The following PAK1IP1 variants were observed in gnomAD, a reference collection of about 807,000 sequenced individuals.
PAK1IP1 encodes PAK1 interacting protein 1, also known as p21-activated protein kinase-interacting protein 1.
In PAK1IP1, 24 loss-of-function variants were observed where a neutral mutation model predicts 42.0. The observed-to-expected ratio is 0.57, with a 90% CI of 0.41 to 0.80. The LOEUF is 0.80. Ranked by LOEUF, PAK1IP1 falls within the 30% of genes least tolerant of loss-of-function variation. PAK1IP1 has a pLI of 0.00. For missense variants in PAK1IP1, 411 were observed against 467.9 expected, an observed-to-expected ratio of 0.88 and a Z score of 1.12; for synonymous variants, 154 against 156.7, an observed-to-expected ratio of 0.98 and a Z score of 0.13.
chr6:10,692,529 C>T (rs1235443816), upstream of PAK1IP1, among the ~76,000 whole-genome samples: 2 of 152,126 alleles, frequency 1.3e-5, no homozygotes, highest in East Asian at 1.9e-4. Context: ...CAATCTCCAC[C>T]TCCCTAATTC....
chr6:10,697,478 A>G lies in PAK1IP1; in HGVS notation c.239A>G (p.His80Arg), dbSNP rs773879151. 3 of 1,611,248 alleles carry G rather than the reference A, an allele frequency of 1.9e-6. No homozygotes were observed. The highest frequency in any genetic ancestry group is 2.5e-6 in the Non-Finnish European group (3 of 1,177,836). The change falls in exon 2 of 10, where the codon CAT (histidine) becomes CGT (arginine). Residue 80 changes from histidine (H) to arginine (R), a missense_variant. Transcript: ENST00000379568. The stretch of plus-strand genomic sequence containing the variant: ...AAGATTGAGCATGGGGCTCTAGTGC[A>G]TCACAGTGGTAAGAAAATTGTATCC... ...KKKIEHGALV[H>R]HSGTITCLKF...
At chr6:10,704,719 T>C (rs180848198) in intron 6 of PAK1IP1, 28 bp from the exon 7 acceptor site, 2 of 1,596,866 alleles carry the variant, frequency 1.3e-6, no homozygotes, top group East Asian at 4.5e-5. Context: ...ACATTCTGGA[T>C]GTTATTACTC....
At chr6:10,694,613 A>G, upstream of PAK1IP1, 78 of 179,118 alleles carry the variant, frequency 4.4e-4, no homozygotes, top group South Asian at 2.6e-3. Context: ...ACCGGCCGGA[A>G]GTCGGCCCCA....
chr6:10,692,347 G>C (rs1380224614), upstream of PAK1IP1, among the ~76,000 whole-genome samples: 1 of 152,100 alleles, frequency 6.6e-6, no homozygotes, highest in African/African-American at 2.4e-5. Context: ...TGGTTCTCTG[G>C]TGGAAACTTA....
upstream of PAK1IP1, chr6:10,694,627 C>CATTAAAAAA: frequency 5.2e-6 from 1 of 192,244 alleles, no homozygotes; most frequent in Non-Finnish European, 1.1e-5. Flanking sequence ...GGCCCCACCT[C>CATTAAAAAA]CTCCTGATGT....
At chr6:10,693,126 C>T (rs1380334321), upstream of PAK1IP1, among the ~76,000 whole-genome samples, 1 of 152,212 alleles carries the variant, frequency 6.6e-6, no homozygotes, top group African/African-American at 2.4e-5. Context: ...GGCCCAGGCA[C>T]GTTCCAGCTC....
upstream of PAK1IP1, among the ~76,000 whole-genome samples, chr6:10,693,556 A>T (rs1769547462): frequency 6.6e-6 from 1 of 152,220 alleles, no homozygotes; most frequent in South Asian, 2.1e-4. Flanking sequence ...GAAGCACTGT[A>T]TCGCACTTGA....
chr6:10,699,650 A>G (rs1046074721), intron 2 of PAK1IP1, among the ~76,000 whole-genome samples: 2 of 152,180 alleles, frequency 1.3e-5, no homozygotes, highest in African/African-American at 2.4e-5. Flanking sequence ...AACTCAGCCA[A>G]GAAAGTTGGT....
At chr6:10,708,829 G>A in intron 8 of PAK1IP1, 124 bp from the exon 9 acceptor site, 2 of 790,750 alleles carry the variant, frequency 2.5e-6, no homozygotes, top group South Asian at 3.6e-5. Context: ...AAGATTATAT[G>A]TTGCTTCTGA....
At chr6:10,700,518 T>C (rs1024519611) in intron 2 of PAK1IP1, among the ~76,000 whole-genome samples, 2 of 152,208 alleles carry the variant, frequency 1.3e-5, no homozygotes, top group African/African-American at 4.8e-5. Flanking sequence ...CTTTCACACA[T>C]GGCAGACTGT....
chr6:10,694,933 T>C (rs1398409063), upstream of PAK1IP1: 10 of 1,053,960 alleles, frequency 9.5e-6, no homozygotes, highest in Non-Finnish European at 1.4e-5. Flanking sequence ...GGTTTCCGGT[T>C]CTGTCACCTC....
In PAK1IP1 at chr6:10,697,478, A is replaced by C. The variant is rs773879151; in HGVS notation, c.239A>C (p.His80Pro). 1 of 1,611,248 alleles carries C rather than the reference A, an allele frequency of 6.2e-7. No homozygotes were observed. The highest frequency in any genetic ancestry group is 2.2e-5 in the East Asian group (1 of 44,840). ...AAGATTGAGCATGGGGCTCTAGTGC[A>C]TCACAGTGGTAAGAAAATTGTATCC... ...KKKIEHGALV[H>P]HSGTITCLKF... Residue 80 changes from histidine to proline, a missense_variant, in exon 2 of 10, where the codon CAT becomes CCT. Physicochemically the swap from His to Pro is moderately conservative, Grantham distance 77. Coordinates refer to ENST00000379568, the MANE Select transcript of PAK1IP1 (RefSeq NM_017906.3).
chr6:10,694,592 GCCCC>G, upstream of PAK1IP1: 21 of 180,796 alleles, frequency 1.2e-4, no homozygotes, highest in South Asian at 4.8e-4. Context: ...CGGCGCTACA[GCCCC>G]TAAGCAACCG....
chr6:10,698,031 A>G (rs773326079), intron 2 of PAK1IP1, among the ~76,000 whole-genome samples: 2 of 152,200 alleles, frequency 1.3e-5, no homozygotes, highest in Admixed American at 6.5e-5. Context: ...CTTAAAAGAG[A>G]AATGTCAGTT....
intron 2 of PAK1IP1, among the ~76,000 whole-genome samples, chr6:10,699,351 C>A (rs573792674): frequency 3.3e-5 from 5 of 152,154 alleles, no homozygotes; most frequent in African/African-American, 1.2e-4. Flanking sequence ...CAAATAGCTT[C>A]CTAGAGGTCA....
At chr6:10,696,521 A>G (rs1233156907) in intron 1 of PAK1IP1, among the ~76,000 whole-genome samples, 3 of 152,204 alleles carry the variant, frequency 2.0e-5, no homozygotes, top group Non-Finnish European at 2.9e-5. Flanking sequence ...CACTCATCCA[A>G]TCAGACTTCC....
At chr6:10,699,080 G>A (rs1247706192) in intron 2 of PAK1IP1, among the ~76,000 whole-genome samples, 3 of 151,732 alleles carry the variant, frequency 2.0e-5, no homozygotes, top group Admixed American at 1.3e-4. Context: ...CGTACCTGTA[G>A]TCCCAGCTAC....
chr6:10,699,514 T>A (rs1471524316), intron 2 of PAK1IP1, among the ~76,000 whole-genome samples: 3 of 152,196 alleles, frequency 2.0e-5, no homozygotes, highest in Admixed American at 1.3e-4. Flanking sequence ...ACACTGGTGG[T>A]CAAGGTACCC....
At chr6:10,691,243 G>C (rs9467242), upstream of PAK1IP1, among the ~76,000 whole-genome samples, 32,802 of 152,176 alleles carry the variant, frequency 0.22, 10,160 homozygotes, top group African/African-American at 0.69. Flanking sequence ...CCCTCAGCCA[G>C]CGAGTTTAAG....
Sources: allele counts gnomAD v4.1 joint callset (sites outside exome capture counted in the v4.1 genomes callset), GRCh38; gene constraint gnomAD v4.1.1; transcripts MANE v1.5; gene names NCBI Gene and HGNC (gene_info 2026-07-23, HGNC 2026-07-21).